LHFPL3: variants seen among roughly 807,000 people sequenced by gnomAD.
LHFPL3 encodes LHFPL tetraspan subfamily member 3 protein.
Under a neutral mutation model 19.3 loss-of-function variants are expected in LHFPL3, and 5 were observed. The ratio of observed to expected loss-of-function variants is 0.26; its 90% CI spans 0.14 to 0.54. The LOEUF (loss-of-function observed/expected upper bound fraction) is 0.54, where lower values mean the gene tolerates loss of function less well. Among genes scored for constraint, LHFPL3 ranks in the 20% least tolerant of loss-of-function variants. The pLI is 0.94. For missense variants in LHFPL3, 249 were observed against 307.4 expected, an observed-to-expected ratio of 0.81 and a Z score of 1.42; for synonymous variants, 133 against 126.2, an observed-to-expected ratio of 1.05 and a Z score of -0.36.
intron 2 of LHFPL3, among the ~76,000 whole-genome samples, chr7:104,792,302 A>C (rs1790038025): frequency 6.6e-6 from 1 of 152,122 alleles, no homozygotes; most frequent in African/African-American, 2.4e-5. Context: ...TAAAAACAAA[A>C]ATTCCAAGCA....
intron 1 of LHFPL3, among the ~76,000 whole-genome samples, chr7:104,451,528 C>T (rs771438648): frequency 1.9e-4 from 29 of 152,008 alleles, no homozygotes; most frequent in Non-Finnish European, 3.4e-4. Context: ...AACGATCAAA[C>T]GATACAGAAC....
chr7:104,824,424 AAT>A (rs1471147548), intron 2 of LHFPL3, among the ~76,000 whole-genome samples: 4 of 56,454 alleles, frequency 7.1e-5, no homozygotes, highest in Admixed American at 3.6e-4. Flanking sequence ...TTTTATATAT[AAT>A]ATATATAATT....
At chr7:104,458,848 T>C (rs17137756) in intron 1 of LHFPL3, among the ~76,000 whole-genome samples, 1,840 of 152,356 alleles carry the variant, frequency 0.012, 26 homozygotes, top group African/African-American at 0.042. Context: ...TGGCTTTCCA[T>C]TAGGTTCTGC....
chr7:104,898,768 T>C (rs1211556701), intron 2 of LHFPL3, among the ~76,000 whole-genome samples: 2 of 152,080 alleles, frequency 1.3e-5, no homozygotes, highest in Non-Finnish European at 2.9e-5. Context: ...TGCAGCGGGC[T>C]GTCATCTTGA....
chr7:104,696,448 GTGTGT>G (rs1452804666), intron 1 of LHFPL3, among the ~76,000 whole-genome samples: 3 of 3,634 alleles, frequency 8.3e-4, no homozygotes, highest in Non-Finnish European at 8.3e-4. Flanking sequence ...GTTACTAGGT[GTGTGT>G]GTGTGTGTGT....
At chr7:104,641,498 CATTTTCGTT>C (rs1472523038) in intron 1 of LHFPL3, among the ~76,000 whole-genome samples, 1 of 152,178 alleles carries the variant, frequency 6.6e-6, no homozygotes, top group Non-Finnish European at 1.5e-5. Context: ...TCATTTGTTC[CATTTTCGTT>C]AGAGGTATAC....
intron 1 of LHFPL3, among the ~76,000 whole-genome samples, chr7:104,601,065 G>A (rs777527671): frequency 2.1e-4 from 32 of 152,140 alleles, no homozygotes; most frequent in Admixed American, 3.9e-4. Context: ...TGCTCTTTCC[G>A]TTAAGCCAGA....
intron 1 of LHFPL3, among the ~76,000 whole-genome samples, chr7:104,415,908 C>T (rs1363604125): frequency 6.6e-6 from 1 of 152,174 alleles, no homozygotes; most frequent in Non-Finnish European, 1.5e-5. Context: ...ACTGCTGCCA[C>T]CAAGCAGCAG....
chr7:104,339,259 G>T (rs913672331), intron 1 of LHFPL3, among the ~76,000 whole-genome samples: 2 of 149,898 alleles, frequency 1.3e-5, no homozygotes, highest in African/African-American at 4.9e-5. Context: ...AAAAAAAAAA[G>T]AAAAGAAATA....
At chr7:104,496,569 A>G (rs1392729985) in intron 1 of LHFPL3, among the ~76,000 whole-genome samples, 1 of 152,188 alleles carries the variant, frequency 6.6e-6, no homozygotes, top group Non-Finnish European at 1.5e-5. Flanking sequence ...GGGTTGAACT[A>G]GTTTACAGTC....
intron 2 of LHFPL3, among the ~76,000 whole-genome samples, chr7:104,832,532 C>A (rs1429059468): frequency 6.6e-6 from 1 of 151,558 alleles, no homozygotes; most frequent in South Asian, 2.1e-4. Flanking sequence ...TTTTTCTCAT[C>A]GAGATTACTC....
At chr7:104,370,089 G>C (rs989305538) in intron 1 of LHFPL3, among the ~76,000 whole-genome samples, 1 of 152,198 alleles carries the variant, frequency 6.6e-6, no homozygotes, top group African/African-American at 2.4e-5. Context: ...CACAGAGGTA[G>C]CCAGTGTAGG....
intron 1 of LHFPL3, among the ~76,000 whole-genome samples, chr7:104,408,351 G>T (rs1050585241): frequency 2.9e-5 from 3 of 102,008 alleles, no homozygotes; most frequent in African/African-American, 5.1e-5. Context: ...CATGTTTCTT[G>T]TGGCAACATT....
At chr7:104,406,648 G>A (rs1385250372) in intron 1 of LHFPL3, among the ~76,000 whole-genome samples, 1 of 152,222 alleles carries the variant, frequency 6.6e-6, no homozygotes, top group African/African-American at 2.4e-5. Flanking sequence ...GAAAGACACA[G>A]GTAGATATGC....
At chr7:104,569,047 C>A (rs1790177615) in intron 1 of LHFPL3, among the ~76,000 whole-genome samples, 1 of 152,100 alleles carries the variant, frequency 6.6e-6, no homozygotes, top group Non-Finnish European at 1.5e-5. Flanking sequence ...ATTCAAAAAC[C>A]TCTAATGCTG....
chr7:104,590,123 T>C (rs1790677839), intron 1 of LHFPL3, among the ~76,000 whole-genome samples: 1 of 152,198 alleles, frequency 6.6e-6, no homozygotes, highest in African/African-American at 2.4e-5. Flanking sequence ...TCAGTTCTGC[T>C]CTCATCTTAG....
chr7:104,378,729 A>G (rs1399568755), intron 1 of LHFPL3, among the ~76,000 whole-genome samples: 1 of 152,044 alleles, frequency 6.6e-6, no homozygotes, highest in African/African-American at 2.4e-5. Flanking sequence ...GTTAATTTGC[A>G]TTTGTCTTAT....
intron 1 of LHFPL3, among the ~76,000 whole-genome samples, chr7:104,420,732 G>A (rs555214533): frequency 1.3e-5 from 2 of 151,888 alleles, no homozygotes; most frequent in Non-Finnish European, 2.9e-5. Context: ...GCTAATTTTT[G>A]TATTTTTTTT....
At chr7:104,336,139 C>T (rs962130469) in intron 1 of LHFPL3, among the ~76,000 whole-genome samples, 2 of 152,046 alleles carry the variant, frequency 1.3e-5, no homozygotes, top group African/African-American at 4.8e-5. Context: ...CATAATGAGT[C>T]AACTGGAATT....
Sources: gnomAD v4.1 joint callset for allele counts (sites outside exome capture counted in the v4.1 genomes callset) on GRCh38, gnomAD v4.1.1 for gene constraint, MANE v1.5 for transcripts, NCBI Gene and HGNC (gene_info 2026-07-23, HGNC 2026-07-21) for gene names.